The following PMVK variants were observed in gnomAD, a reference collection of about 807,000 sequenced individuals.
PMVK encodes the protein phosphomevalonate kinase, also known as testis tissue sperm-binding protein Li 95mP.
In PMVK, 10 loss-of-function variants were observed where a neutral mutation model predicts 19.0. That is an observed-to-expected ratio of 0.53 (90% CI 0.32 to 0.89). PMVK has a LOEUF of 0.89. Ranked by LOEUF, PMVK falls within the 40% of genes least tolerant of loss-of-function variation. The pLI, the probability that PMVK is intolerant of heterozygous loss-of-function variation, is 0.03. For missense variants in PMVK, 222 were observed against 251.1 expected (o/e 0.88, Z 0.78); for synonymous variants, 108 against 101.6 (o/e 1.06, Z -0.38).
chr1:154,928,494 G>A (rs550986899), intron 3 of PMVK, among the ~76,000 whole-genome samples: 3 of 152,222 alleles, frequency 2.0e-5, no homozygotes, highest in South Asian at 4.1e-4. Flanking sequence ...AGTCTGGGCC[G>A]CATGCAGTGG....
At position 154,935,848 on chromosome 1, in the gene PMVK, C is replaced by T. The variant is rs192453081; in HGVS notation, c.95+743G>A. On this transcript the variant is annotated intron_variant, in intron 1 of 4. Transcript: ENST00000368467. ...TGGACTAGAGGTGCTCGCCATCGCACTAGGCTAACTTTTCCATTTTTTTGT... is the reference window on the plus strand; with the variant it reads ...TGGACTAGAGGTGCTCGCCATCGCATTAGGCTAACTTTTCCATTTTTTTGT... Among the ~76,000 whole-genome samples the T allele has an allele frequency of 2.7e-4, 38 of 139,754 alleles. No individual in the cohort carries two copies. The East Asian group carries it at 6.2e-3, about 23-fold the overall frequency. The allele number at this position is 139,754 out of a possible 152,430, so 91.7% of individuals were successfully genotyped here.
the PMVK span, among the ~76,000 whole-genome samples, chr1:154,941,912 G>A: frequency 6.6e-6 from 1 of 152,176 alleles, no homozygotes; most frequent in South Asian, 2.1e-4. Flanking sequence ...AGGGCACTGG[G>A]GAAAGGGTGG....
the PMVK span, among the ~76,000 whole-genome samples, chr1:154,941,992 G>A: frequency 1.3e-5 from 2 of 152,112 alleles, no homozygotes; most frequent in Admixed American, 6.5e-5. Context: ...AATGCAGACT[G>A]GGGACTACCA....
At chr1:154,928,993 T>A in intron 3 of PMVK, 31 bp downstream of exon 3, 1 of 1,599,622 alleles carries the variant, frequency 6.3e-7, no homozygotes, top group Non-Finnish European at 8.6e-7. Context: ...GGGAAACAGG[T>A]GTTCTTCATG....
intron 3 of PMVK, 46 bp downstream of exon 3, chr1:154,928,978 A>T: frequency 6.3e-7 from 1 of 1,574,844 alleles, no homozygotes. Context: ...CACAGCGAAG[A>T]GCTAGGGAAA....
chr1:154,930,077 T>G (rs1319663544), intron 2 of PMVK, among the ~76,000 whole-genome samples: 2 of 152,214 alleles, frequency 1.3e-5, no homozygotes, highest in Middle Eastern at 6.3e-3. Flanking sequence ...TTTGGTTTTG[T>G]TTTTTAATGG....
In PMVK at chr1:154,925,102, C is replaced by A. The variant is rs1262260870; in HGVS notation, c.*27G>T. 2 of 1,596,678 alleles carry A rather than the reference C, an allele frequency of 1.3e-6. No homozygotes were observed. The highest frequency in any genetic ancestry group is 3.4e-5 in the Admixed American group (2 of 59,254). On this transcript the variant is annotated 3_prime_UTR_variant, in exon 5 of 5. Coordinates refer to ENST00000368467, the MANE Select transcript of PMVK (RefSeq NM_006556.4). The stretch of plus-strand genomic sequence containing the variant: ...TCAGCCCCACCCCCACCTCAGCAGG[C>A]CCCAGCTCACTCCTAGAACCTAGTG...
At chr1:154,925,886 A>G (rs1043281590) in intron 4 of PMVK, among the ~76,000 whole-genome samples, 1 of 152,212 alleles carries the variant, frequency 6.6e-6, no homozygotes, top group African/African-American at 2.4e-5. Flanking sequence ...TACCCATTGG[A>G]TCTGAACTGC....
At chr1:154,937,275 C>A (rs1181235382), upstream of PMVK, 1 of 152,748 alleles carries the variant, frequency 6.5e-6, no homozygotes, top group African/African-American at 2.4e-5. Flanking sequence ...CTGACGCGAG[C>A]GGCGTGTCTG....
Position 154,925,095 on chromosome 1 carries a change from C to A in PMVK, c.*34G>T. The A allele has an allele frequency of 1.9e-6, 3 of 1,556,832 alleles. No homozygotes were observed. The highest frequency in any genetic ancestry group is 2.6e-6 in the Non-Finnish European group (3 of 1,138,678). Reference sequence around the variant, plus strand: ...TGCAGAGTCAGCCCCACCCCCACCTCAGCAGGCCCCAGCTCACTCCTAGAA... The same window carrying A: ...TGCAGAGTCAGCCCCACCCCCACCTAAGCAGGCCCCAGCTCACTCCTAGAA... On this transcript the variant is annotated 3_prime_UTR_variant, in exon 5 of 5. Transcript: ENST00000368467.
Position 154,932,494 on chromosome 1 carries a change from C to T in PMVK, c.96-79G>A, listed in dbSNP as rs189024409. 203 of 972,106 alleles carry T rather than the reference C, an allele frequency of 2.1e-4. No homozygotes were observed. The African/African-American group carries it at 2.7e-3, about 13-fold the overall frequency. The allele number at this position is 972,106 out of a possible 1,614,324, so 60.2% of individuals were successfully genotyped here. A position where few individuals can be genotyped will look rare whatever the true frequency, so the allele number is the denominator to read the frequency against. On this transcript the variant is annotated intron_variant, in intron 1 of 4. Transcript: ENST00000368467. ...ATGTCCCAGAAAGGGAGTCAAGAGGCCTGTGTTGAAGTCCCATTTCTACTA... is the reference window on the plus strand; with the variant it reads ...ATGTCCCAGAAAGGGAGTCAAGAGGTCTGTGTTGAAGTCCCATTTCTACTA...
intron 2 of PMVK, among the ~76,000 whole-genome samples, chr1:154,930,661 C>G (rs1237315018): frequency 2.0e-5 from 3 of 151,236 alleles, no homozygotes; most frequent in African/African-American, 7.3e-5. Context: ...CAGTGCCTTC[C>G]CCTTCACCCC....
chr1:154,929,199 A>G, intron 2 of PMVK, 23 bp from the exon 3 acceptor site: 1 of 1,612,810 alleles, frequency 6.2e-7, no homozygotes, highest in Non-Finnish European at 8.5e-7. Flanking sequence ...CATTATGTCT[A>G]CGTCACCGGC....
rs1462671878 is a variant in PMVK at position 154,926,430 on chromosome 1, A to G, written c.366T>C (p.Tyr122=). Residue 122 remains tyrosine (Y), a synonymous_variant, in exon 4 of 5, where the codon TAT becomes TAC. Coordinates refer to ENST00000368467, the MANE Select transcript of PMVK (RefSeq NM_006556.4). ...VSDIQWFREA[Y]GAVTQTVRVV... is the part of the protein sequence containing the mutation. ...CGCGGACCGTCTGCGTCACGGCCCC[A>G]TAGGCCTCCCGAAACCACTGGATGT... The G allele has an allele frequency of 1.2e-6, 2 of 1,613,922 alleles. No homozygotes were observed. The highest frequency in any genetic ancestry group is 1.7e-6 in the Non-Finnish European group (2 of 1,179,928).
At chr1:154,927,723 C>A (rs992985510) in intron 3 of PMVK, among the ~76,000 whole-genome samples, 1 of 152,140 alleles carries the variant, frequency 6.6e-6, no homozygotes, top group African/African-American at 2.4e-5. Flanking sequence ...ACTCACCACT[C>A]AAGCCTCTGC....
rs569812128 is a variant in PMVK at position 154,924,877 on chromosome 1, C to T, written c.*252G>A. ...TGGCACTGGGGATATGGCAGGGTTT[C>T]GCCTTCAAGCACAGCCAAGACACCC... On this transcript the variant is annotated 3_prime_UTR_variant, in exon 5 of 5. Transcript: ENST00000368467. The T allele has an allele frequency of 4.1e-4, 207 of 500,976 alleles. 2 individuals carry two copies. Among genetic ancestry groups the T allele is most frequent in the East Asian group, 2.8e-3 (81 of 28,882 alleles). 31.0% of individuals were successfully genotyped at this position (500,976 alleles called of 1,614,324 possible).
At chr1:154,936,007 G>A (rs934720548) in intron 1 of PMVK, among the ~76,000 whole-genome samples, 2 of 152,186 alleles carry the variant, frequency 1.3e-5, no homozygotes, top group Non-Finnish European at 2.9e-5. Flanking sequence ...AACTTTTTAA[G>A]AGCCTCAGTT....
intron 1 of PMVK, among the ~76,000 whole-genome samples, chr1:154,935,058 CAAAAAAAAAAA>C (rs569402578): frequency 7.6e-4 from 17 of 22,274 alleles, no homozygotes; most frequent in East Asian, 2.2e-3. Flanking sequence ...GACTCCGTCT[CAAAAAAAAAAA>C]AAAAAAAAAA....
At chr1:154,925,771 C>A (rs1479815778) in intron 4 of PMVK, among the ~76,000 whole-genome samples, 1 of 152,204 alleles carries the variant, frequency 6.6e-6, no homozygotes, top group African/African-American at 2.4e-5. Context: ...CAGCATCTAC[C>A]TGCTGAATCT....
Sources: allele counts gnomAD v4.1 joint callset (sites outside exome capture counted in the v4.1 genomes callset), GRCh38; gene constraint gnomAD v4.1.1; transcripts MANE v1.5; gene names NCBI Gene and HGNC (gene_info 2026-07-23, HGNC 2026-07-21).